ZNF143: variants seen among roughly 807,000 people sequenced by gnomAD.
ZNF143 encodes SPH-binding factor.
In ZNF143, 49 loss-of-function variants were observed where a neutral mutation model predicts 74.1. The observed-to-expected ratio is 0.66, with a 90% CI of 0.53 to 0.84. The LOEUF (loss-of-function observed/expected upper bound fraction) is 0.84, where lower values mean the gene tolerates loss of function less well. ZNF143 is among the 40% of genes least tolerant of loss of function. The pLI, the probability that ZNF143 is intolerant of heterozygous loss-of-function variation, is 0.00. For missense variants in ZNF143, 637 were observed against 793.4 expected (o/e 0.80, Z 2.37); for synonymous variants, 304 against 282.8 (o/e 1.07, Z -0.75).
intron 7 of ZNF143, among the ~76,000 whole-genome samples, chr11:9,482,269 C>G (rs1847273778): frequency 7.2e-6 from 1 of 138,902 alleles, no homozygotes; most frequent in Non-Finnish European, 1.5e-5. Context: ...TGTACCCGGC[C>G]CCAACTCTTT....
chr11:9,472,547 C>A (rs1766292047), intron 2 of ZNF143, 130 bp from the exon 3 acceptor site: 1 of 777,676 alleles, frequency 1.3e-6, no homozygotes. Flanking sequence ...CCACTGCACC[C>A]GGCCGCTAAA....
chr11:9,518,566 A>G (rs148843123), intron 14 of ZNF143, among the ~76,000 whole-genome samples: 5,597 of 152,146 alleles, frequency 0.037, 311 homozygotes, highest in African/African-American at 0.12. Flanking sequence ...ATACAAAAAC[A>G]TTAGCCAGGC....
At chr11:9,487,609 G>T (rs1413211128) in intron 7 of ZNF143, among the ~76,000 whole-genome samples, 4 of 152,054 alleles carry the variant, frequency 2.6e-5, no homozygotes, top group African/African-American at 9.7e-5. Context: ...CGCCTGCCTC[G>T]GCCTCCCAGA....
intron 15 of ZNF143, among the ~76,000 whole-genome samples, chr11:9,527,113 G>A (rs761422006): frequency 5.9e-5 from 9 of 152,092 alleles, no homozygotes; most frequent in Non-Finnish European, 1.0e-4. Flanking sequence ...GATTACAGGC[G>A]TGAGCCACCG....
Position 9,501,281 on chromosome 11 carries a change from C to G in ZNF143, c.1147+11C>G. On this transcript the variant is annotated intron_variant, in intron 11 of 15. Transcript: ENST00000396602. ...TGAGGATACACACAGGTAACAATCT[C>G]TGATCTTTTGGTCTTTTATCTTTCA... The G allele has an allele frequency of 6.2e-7, 1 of 1,610,640 alleles. No homozygotes were observed. Among genetic ancestry groups the G allele is most frequent in the Non-Finnish European group, 8.5e-7 (1 of 1,178,056 alleles).
chr11:9,467,594 T>C (rs1431578357), intron 1 of ZNF143, among the ~76,000 whole-genome samples: 1 of 151,976 alleles, frequency 6.6e-6, no homozygotes, highest in Non-Finnish European at 1.5e-5. Flanking sequence ...GTGCCTTTAA[T>C]CCCAGCACTT....
chr11:9,484,800 A>ATTTTTTTTTTTTTTT (rs1381085964), intron 7 of ZNF143, among the ~76,000 whole-genome samples: 18,804 of 66,476 alleles, frequency 0.28, 5,781 homozygotes, highest in Middle Eastern at 0.42. Flanking sequence ...CTGGCCAAAG[A>ATTTTTTTTTTTTTTT]TTTTTTTTTT....
intron 6 of ZNF143, among the ~76,000 whole-genome samples, chr11:9,478,846 C>G (rs911295994): frequency 1.3e-5 from 2 of 150,562 alleles, no homozygotes; most frequent in African/African-American, 4.9e-5. Flanking sequence ...CAGTTAGTAT[C>G]AAAGAGATCA....
At chr11:9,474,524 A>G in intron 4 of ZNF143, 26 bp from the exon 5 acceptor site, 1 of 1,612,896 alleles carries the variant, frequency 6.2e-7, no homozygotes, top group Non-Finnish European at 8.5e-7. Context: ...AAAACATGAG[A>G]TCTAAATGTA....
At chr11:9,504,720 G>A (rs555532227) in intron 11 of ZNF143, among the ~76,000 whole-genome samples, 4 of 113,444 alleles carry the variant, frequency 3.5e-5, no homozygotes, top group African/African-American at 8.4e-5. Flanking sequence ...TGTTGCCCAG[G>A]CTGGAGTGCA....
intron 1 of ZNF143, among the ~76,000 whole-genome samples, chr11:9,469,244 C>A (rs1435811676): frequency 2.7e-5 from 4 of 147,522 alleles, no homozygotes; most frequent in Non-Finnish European, 4.5e-5. Context: ...TTTTTACCAC[C>A]CCCCCATACG....
intron 13 of ZNF143, among the ~76,000 whole-genome samples, chr11:9,513,603 A>T (rs973615078): frequency 3.3e-5 from 5 of 152,242 alleles, no homozygotes; most frequent in Non-Finnish European, 5.9e-5. Flanking sequence ...TTTCTGTCTT[A>T]GGCAATCTGG....
rs928612621 is a variant in ZNF143 at position 9,478,319 on chromosome 11, C to T, written c.374-71C>T. ...CTACTCAATAAAAGCTCATTTCTCT[C>T]TTCCTTTAAATATGTAAATATTTGT... On this transcript the variant is annotated intron_variant, in intron 5 of 15. Coordinates refer to ENST00000396602, the MANE Select transcript of ZNF143 (RefSeq NM_003442.6). 10 of 1,515,056 alleles carry T rather than the reference C, an allele frequency of 6.6e-6. No homozygotes were observed. The Admixed American group carries it at 1.2e-4, about 19-fold the overall frequency. 93.9% of individuals were successfully genotyped at this position (1,515,056 alleles called of 1,614,324 possible).
Position 9,510,480 on chromosome 11 carries a change from A to G in ZNF143, c.1375+1634A>G, listed in dbSNP as rs533602224. Among the ~76,000 whole-genome samples the G allele has an allele frequency of 2.0e-5, 3 of 152,312 alleles. No individual in the cohort carries two copies. In the South Asian group the frequency reaches 6.2e-4, roughly 32 times the overall value. On this transcript the variant is annotated intron_variant, in intron 12 of 15. Transcript: ENST00000396602. ...TAATATAATAATATACATTTTATTTAAAAACAAAACTAAACTAAGATTGTT... is the reference window on the plus strand; with the variant it reads ...TAATATAATAATATACATTTTATTTGAAAACAAAACTAAACTAAGATTGTT...
chr11:9,484,115 G>T (rs1847361802), intron 7 of ZNF143, among the ~76,000 whole-genome samples: 1 of 151,490 alleles, frequency 6.6e-6, no homozygotes, highest in Non-Finnish European at 1.5e-5. Context: ...ATTAGTGCTG[G>T]ATCAGAAGTT....
At chr11:9,491,032 C>T (rs1847754328) in intron 7 of ZNF143, among the ~76,000 whole-genome samples, 1 of 152,212 alleles carries the variant, frequency 6.6e-6, no homozygotes, top group African/African-American at 2.4e-5. Context: ...TGCACTTGGC[C>T]TAAGAAAATT....
intron 7 of ZNF143, among the ~76,000 whole-genome samples, chr11:9,488,501 A>G (rs1407646085): frequency 5.3e-5 from 8 of 152,080 alleles, no homozygotes; most frequent in Non-Finnish European, 1.0e-4. Context: ...TGACCATACT[A>G]TTCCTTCTGC....
chr11:9,523,785 C>T (rs12363558), intron 14 of ZNF143, among the ~76,000 whole-genome samples: 26,221 of 151,552 alleles, frequency 0.17, 2,836 homozygotes, highest in Non-Finnish European at 0.24. Flanking sequence ...CGGGGGCTCA[C>T]GTCTGTAATC....
At chr11:9,496,821 C>T (rs1847975262) in intron 9 of ZNF143, among the ~76,000 whole-genome samples, 1 of 152,078 alleles carries the variant, frequency 6.6e-6, no homozygotes, top group Non-Finnish European at 1.5e-5. Context: ...TGGTCTCAAA[C>T]TCCTGGTCTC....
Sources: allele counts gnomAD v4.1 joint callset (sites outside exome capture counted in the v4.1 genomes callset), GRCh38; gene constraint gnomAD v4.1.1; transcripts MANE v1.5; gene names NCBI Gene and HGNC (gene_info 2026-07-23, HGNC 2026-07-21).